ZNF846: variants seen among roughly 807,000 people sequenced by gnomAD.
ZNF846 encodes zinc finger protein 420 pseudogene.
A neutral mutation model predicts 16.0 loss-of-function variants in ZNF846; 15 were observed. That is an observed-to-expected ratio of 0.94 (90% CI 0.63 to 1.45). The LOEUF is 1.45. Ranked by LOEUF, ZNF846 falls within the 40% of genes most tolerant of loss-of-function variation. The pLI, the probability that ZNF846 is intolerant of heterozygous loss-of-function variation, is 0.00. For synonymous variants in ZNF846, 229 were observed against 212.0 expected (o/e 1.08, Z -0.70); for missense variants, 714 against 622.3 (o/e 1.15, Z -1.57).
At chr19:9,774,120 A>G (rs75403281) in intron 1 of ZNF846, among the ~76,000 whole-genome samples, 2,286 of 152,324 alleles carry the variant, frequency 0.015, 58 homozygotes, top group African/African-American at 0.052. Context: ...TTGTTCTTCT[A>G]TAAGATGACT....
intron 5 of ZNF846, chr19:9,752,444 C>CA (rs752283106): frequency 0.068 from 22,790 of 337,004 alleles, 90 homozygotes; most frequent in South Asian, 0.09. Context: ...TTCGTCTCTA[C>CA]AAAAAAAAAA....
At chr19:9,764,451 T>C (rs2045281575) in intron 2 of ZNF846, among the ~76,000 whole-genome samples, 1 of 152,198 alleles carries the variant, frequency 6.6e-6, no homozygotes, top group Non-Finnish European at 1.5e-5. Flanking sequence ...TACATACAAA[T>C]GTACTGTACT....
intron 4 of ZNF846, among the ~76,000 whole-genome samples, chr19:9,761,140 T>A (rs1212964341): frequency 2.0e-5 from 3 of 148,022 alleles, no homozygotes; most frequent in Non-Finnish European, 4.4e-5. Flanking sequence ...CTGATGGAGG[T>A]TGCAGTGAGC....
At chr19:9,749,951 C>G (rs1037403405), downstream of ZNF846, among the ~76,000 whole-genome samples, 10 of 152,106 alleles carry the variant, frequency 6.6e-5, no homozygotes, top group Non-Finnish European at 1.5e-4. Context: ...TCCACTCCCC[C>G]CCATATTTGG....
intron 1 of ZNF846, among the ~76,000 whole-genome samples, chr19:9,784,662 A>G (rs573674605): frequency 1.6e-4 from 25 of 152,134 alleles, no homozygotes; most frequent in Admixed American, 3.9e-4. Flanking sequence ...CCTTCCCACA[A>G]GGCCATATCT....
chr19:9,767,307 G>T (rs1324600141), intron 1 of ZNF846, among the ~76,000 whole-genome samples: 1 of 151,750 alleles, frequency 6.6e-6, no homozygotes, highest in Non-Finnish European at 1.5e-5. Context: ...GGCTAATTTT[G>T]TATTTTTAGT....
At chr19:9,769,666 C>A (rs1296053046), upstream of ZNF846, among the ~76,000 whole-genome samples, 2 of 152,036 alleles carry the variant, frequency 1.3e-5, no homozygotes, top group African/African-American at 4.8e-5. Flanking sequence ...AGACCAGCGA[C>A]ACCCTGTTTG....
chr19:9,774,874 T>C (rs558162655), intron 1 of ZNF846: 29 of 1,610,144 alleles, frequency 1.8e-5, no homozygotes, highest in East Asian at 1.6e-4. Context: ...CTGACCTAGC[T>C]GAAGAATACT....
chr19:9,756,186 T>G (rs558511354), downstream of ZNF846: 240 of 150,402 alleles, frequency 1.6e-3, 8 homozygotes, highest in African/African-American at 5.7e-3. Context: ...AGTGTGGGTT[T>G]TCACAAGTAT....
At chr19:9,765,131 G>C (rs1354394357) in intron 1 of ZNF846, 96 bp from the exon 2 acceptor site, 7 of 658,234 alleles carry the variant, frequency 1.1e-5, no homozygotes, top group Non-Finnish European at 1.9e-5. Context: ...CCAGCACTTT[G>C]GGAGGCCAAG....
At chr19:9,758,714 T>A in exon 6 of ZNF846, 2 of 1,606,298 alleles carry the variant, frequency 1.2e-6, no homozygotes, top group South Asian at 2.2e-5. Context: ...CATTGAAGAC[T>A]TTTCCAGAAT....
At chr19:9,779,628 T>C (rs2045480772) in intron 1 of ZNF846, among the ~76,000 whole-genome samples, 1 of 151,376 alleles carries the variant, frequency 6.6e-6, no homozygotes, top group Non-Finnish European at 1.5e-5. Flanking sequence ...TAGAGTGTAA[T>C]GGCGTGATCT....
At chr19:9,753,415 C>T (rs2045104438), downstream of ZNF846, among the ~76,000 whole-genome samples, 1 of 136,184 alleles carries the variant, frequency 7.3e-6, no homozygotes, top group Non-Finnish European at 1.5e-5. Flanking sequence ...CCACACTGGG[C>T]TGATTTTTTT....
upstream of ZNF846, among the ~76,000 whole-genome samples, chr19:9,771,467 T>C (rs1376357403): frequency 6.6e-6 from 1 of 152,092 alleles, no homozygotes; most frequent in East Asian, 1.9e-4. Flanking sequence ...CGTGAGCCAC[T>C]GCGCCCACCC....
At chr19:9,759,909 G>T (rs950677287) in exon 5 of ZNF846, 4 of 1,613,076 alleles carry the variant, frequency 2.5e-6, no homozygotes, top group Non-Finnish European at 3.4e-6. Context: ...TTGCAGCAGT[G>T]GGGAGCCTTT....
downstream of ZNF846, among the ~76,000 whole-genome samples, chr19:9,752,987 A>ACC (rs2045098901): frequency 1.3e-5 from 2 of 148,922 alleles, no homozygotes; most frequent in South Asian, 4.1e-4. Context: ...AGCTCAAGGT[A>ACC]CAGTCAGATT....
chr19:9,753,601 G>A (rs897360922), downstream of ZNF846, among the ~76,000 whole-genome samples: 9 of 151,536 alleles, frequency 5.9e-5, no homozygotes, highest in African/African-American at 2.2e-4. Flanking sequence ...ATTTTGGTAT[G>A]CCATGTCTTT....
chr19:9,762,372 T>C (rs145841914), intron 3 of ZNF846: 76 of 486,514 alleles, frequency 1.6e-4, no homozygotes, highest in African/African-American at 6.5e-4. Flanking sequence ...GTATAATGGC[T>C]CATGCCTCAT....
chr19:9,774,614 G>T, intron 1 of ZNF846: 3 of 1,492,856 alleles, frequency 2.0e-6, no homozygotes, highest in Non-Finnish European at 1.9e-6. Flanking sequence ...AGGGCTTATT[G>T]TTCCTGACAA....
Sources: gnomAD v4.1 joint callset for allele counts (sites outside exome capture counted in the v4.1 genomes callset) on GRCh38, gnomAD v4.1.1 for gene constraint, MANE v1.5 for transcripts, NCBI Gene and HGNC (gene_info 2026-07-23, HGNC 2026-07-21) for gene names.